The following EPN2 variants were observed in gnomAD, a reference collection of about 807,000 sequenced individuals.
EPN2 encodes the protein epsin-2.
A neutral mutation model predicts 61.7 loss-of-function variants in EPN2; 34 were observed. The ratio of observed to expected loss-of-function variants is 0.55; its 90% CI spans 0.42 to 0.73. The LOEUF is 0.73. Ranked by LOEUF, EPN2 falls within the 30% of genes least tolerant of loss-of-function variation. EPN2 has a pLI of 0.00. For missense variants in EPN2, 714 were observed against 839.2 expected, an observed-to-expected ratio of 0.85 and a Z score of 1.84; for synonymous variants, 349 against 353.6, an observed-to-expected ratio of 0.99 and a Z score of 0.15.
rs1016461423 is a variant in EPN2, at chr17:19,285,546, C to T, written c.596-74C>T. 14 of 1,384,538 alleles carry T rather than the reference C, an allele frequency of 1.0e-5. No individual in the cohort carries two copies. The highest frequency in any genetic ancestry group is 1.3e-5 in the Non-Finnish European group (14 of 1,065,394). 85.8% of individuals were successfully genotyped at this position (1,384,538 alleles called of 1,614,324 possible). ...TGACCCCGAGTGGCCTTGGCCCGTA[C>T]CTCCTGCAGGGGCTGCTGCGCACCC... is the stretch of plus-strand genomic sequence containing the variant. On this transcript the variant is annotated intron_variant, in intron 3 of 10. Transcript: ENST00000314728. The surrounding 1 kb of genome is among the most constrained non-coding windows in gnomAD (Gnocchi z 4.5).
chr17:19,335,342 A>C lies in EPN2; in HGVS notation c.*1088A>C. On this transcript the variant is annotated 3_prime_UTR_variant, in exon 11 of 11. Coordinates refer to ENST00000314728, the MANE Select transcript of EPN2 (RefSeq NM_014964.5). Reference sequence around the variant, plus strand: ...ACCAACATCCTGAAAGTTAAAGAAAAAAATCTAATGTATGAATGTGACTCA... The same window carrying C: ...ACCAACATCCTGAAAGTTAAAGAAACAAATCTAATGTATGAATGTGACTCA... 1 of 1,499,136 alleles carries C rather than the reference A, an allele frequency of 6.7e-7. No individual in the cohort carries two copies. Among genetic ancestry groups the C allele is most frequent in the Non-Finnish European group, 9.0e-7 (1 of 1,111,546 alleles). 92.9% of individuals were successfully genotyped at this position (1,499,136 alleles called of 1,614,324 possible).
chr17:19,317,253 AAGG>A (rs779766730), intron 7 of EPN2, among the ~76,000 whole-genome samples: 46 of 152,214 alleles, frequency 3.0e-4, no homozygotes, highest in Non-Finnish European at 3.2e-4. Flanking sequence ...TCAGGGTTGA[AAGG>A]AGGGAGATTG....
chr17:19,312,688 G>A (rs1484288677), intron 6 of EPN2, among the ~76,000 whole-genome samples: 2 of 152,250 alleles, frequency 1.3e-5, no homozygotes, highest in Non-Finnish European at 2.9e-5. Context: ...ACTGGTTGAT[G>A]TTGATGATCC....
intron 7 of EPN2, among the ~76,000 whole-genome samples, chr17:19,315,906 C>G (rs1295465314): frequency 2.6e-5 from 4 of 152,216 alleles, no homozygotes; most frequent in Non-Finnish European, 5.9e-5. Flanking sequence ...ACCGCATACC[C>G]AGGCCCTGGC....
At chr17:19,312,649 A>G (rs971965633) in intron 6 of EPN2, among the ~76,000 whole-genome samples, 2 of 152,174 alleles carry the variant, frequency 1.3e-5, no homozygotes, top group African/African-American at 2.4e-5. Context: ...TTACAGTGCT[A>G]CTGAGGCCGG....
intron 7 of EPN2, among the ~76,000 whole-genome samples, chr17:19,327,164 A>G (rs1242726392): frequency 2.6e-5 from 4 of 152,184 alleles, no homozygotes; most frequent in African/African-American, 7.2e-5. Context: ...AGAGGTACCC[A>G]TGACCCAGCA....
At chr17:19,316,535 C>T (rs1164487367) in intron 7 of EPN2, among the ~76,000 whole-genome samples, 2 of 152,216 alleles carry the variant, frequency 1.3e-5, no homozygotes, top group African/African-American at 4.8e-5. Flanking sequence ...CCTGGCATGT[C>T]CTGGAAAAGT....
intron 5 of EPN2, 124 bp downstream of exon 5, chr17:19,310,121 A>T: frequency 1.5e-6 from 1 of 686,384 alleles, no homozygotes; most frequent in Non-Finnish European, 2.6e-6. Flanking sequence ...GCTTGCTGAG[A>T]TGGCATTTCA....
Position 19,309,925 on chromosome 17 carries a change from GC to G in EPN2, c.811del (p.Gln271ArgfsTer16). 1 of 1,609,416 alleles carries G rather than the reference GC, an allele frequency of 6.2e-7. No homozygotes were observed. On this transcript the variant is annotated frameshift_variant, in exon 5 of 11. Coordinates refer to ENST00000314728, the MANE Select transcript of EPN2 (RefSeq NM_014964.5). LOFTEE classifies it high-confidence loss of function. ...TGTCCTCCGAGCTGGAGCAAGCCCG[GC>G]CCCAGACTAGTGGAGAAGAGGAGCT... ...RVSSELEQAR[P>X]QTSGEEELQL...
At chr17:19,330,987 T>C (rs1452118233) in intron 9 of EPN2, among the ~76,000 whole-genome samples, 2 of 152,306 alleles carry the variant, frequency 1.3e-5, no homozygotes, top group African/African-American at 2.4e-5. Flanking sequence ...ACTGGTGTTA[T>C]TGGTGTTTTG....
chr17:19,319,608 G>C (rs1906552788), intron 7 of EPN2, among the ~76,000 whole-genome samples: 2 of 152,006 alleles, frequency 1.3e-5, no homozygotes, highest in African/African-American at 4.8e-5. Context: ...TAGGATTACA[G>C]GCGTGAGCCA....
intron 4 of EPN2, among the ~76,000 whole-genome samples, chr17:19,290,177 G>A (rs1031628604): frequency 3.3e-5 from 5 of 152,152 alleles, no homozygotes; most frequent in African/African-American, 4.8e-5. Context: ...CAGAAGCTGC[G>A]CAGCCCAAAG....
intron 1 of EPN2, among the ~76,000 whole-genome samples, chr17:19,267,022 G>C (rs992088769): frequency 1.3e-5 from 2 of 149,622 alleles, no homozygotes; most frequent in Non-Finnish European, 3.0e-5. Flanking sequence ...TGTATTTTTA[G>C]TAGAGACGGG....
intron 1 of EPN2, among the ~76,000 whole-genome samples, chr17:19,244,285 C>T (rs1390205982): frequency 6.6e-6 from 1 of 152,050 alleles, no homozygotes; most frequent in South Asian, 2.1e-4. Context: ...ATGGCGAAAC[C>T]CCATTTCTAC....
At chr17:19,243,451 G>A (rs990443369) in intron 1 of EPN2, among the ~76,000 whole-genome samples, 13 of 138,770 alleles carry the variant, frequency 9.4e-5, no homozygotes, top group African/African-American at 1.9e-4. Flanking sequence ...GGAGTGCAGC[G>A]GCGCGATCTC....
intron 1 of EPN2, among the ~76,000 whole-genome samples, chr17:19,257,445 C>G (rs1405417224): frequency 6.6e-6 from 1 of 152,008 alleles, no homozygotes; most frequent in Admixed American, 6.5e-5. Flanking sequence ...GACCTATAGC[C>G]TTAGGACCTA....
At chr17:19,313,349 C>A in intron 7 of EPN2, 70 bp downstream of exon 7, 1 of 1,407,944 alleles carries the variant, frequency 7.1e-7, no homozygotes, top group Non-Finnish European at 9.5e-7. Flanking sequence ...GTGCTTCTTG[C>A]TGTCTCTCAC....
intron 4 of EPN2, among the ~76,000 whole-genome samples, chr17:19,289,729 T>TTTTG (rs1567855960): frequency 1.8e-5 from 2 of 108,720 alleles, no homozygotes; most frequent in African/African-American, 8.2e-5. Flanking sequence ...TCATGGTTTT[T>TTTTG]TTTTTTTTTT....
intron 4 of EPN2, among the ~76,000 whole-genome samples, chr17:19,293,355 A>G (rs950462184): frequency 2.1e-5 from 3 of 144,316 alleles, no homozygotes; most frequent in Non-Finnish European, 4.5e-5. Context: ...GGGTGACAAG[A>G]GCGAAACTCC....
Sources: allele counts gnomAD v4.1 joint callset (sites outside exome capture counted in the v4.1 genomes callset), GRCh38; gene constraint gnomAD v4.1.1; non-coding constraint Gnocchi (gnomAD v3.1); transcripts MANE v1.5; gene names NCBI Gene and HGNC (gene_info 2026-07-23, HGNC 2026-07-21).